The following CDH6 variants were observed in gnomAD, a reference collection of about 807,000 sequenced individuals.
The protein encoded by CDH6 is cadherin-6.
In CDH6, 31 loss-of-function variants were observed where a neutral mutation model predicts 78.0. The observed-to-expected ratio is 0.40, with a 90% CI of 0.30 to 0.54. CDH6 has a LOEUF of 0.54. Ranked by LOEUF, CDH6 falls within the 20% of genes least tolerant of loss-of-function variation. The pLI is 0.56. For synonymous variants in CDH6, 376 were observed against 368.8 expected, an observed-to-expected ratio of 1.02 and a Z score of -0.23; for missense variants, 724 against 975.9, an observed-to-expected ratio of 0.74 and a Z score of 3.44.
chr5:31,228,851 T>C (rs1741237293), intron 1 of CDH6, among the ~76,000 whole-genome samples: 1 of 152,226 alleles, frequency 6.6e-6, no homozygotes, highest in African/African-American at 2.4e-5. Context: ...CTGGTACTGG[T>C]CCATGGCCCC....
intron 1 of CDH6, among the ~76,000 whole-genome samples, chr5:31,200,815 T>G (rs981371778): frequency 4.6e-5 from 7 of 152,160 alleles, no homozygotes; most frequent in African/African-American, 1.4e-4. Context: ...TTATATTCTC[T>G]TCTTTCTATT....
chr5:31,276,890 T>C (rs913186760), intron 2 of CDH6, among the ~76,000 whole-genome samples: 1 of 152,138 alleles, frequency 6.6e-6, no homozygotes, highest in African/African-American at 2.4e-5. Context: ...GCCCAAGATA[T>C]CACACTTACC....
chr5:31,220,719 G>A (rs1005353431), intron 1 of CDH6, among the ~76,000 whole-genome samples: 1 of 152,132 alleles, frequency 6.6e-6, no homozygotes, highest in African/African-American at 2.4e-5. Context: ...CATATTCTCT[G>A]ATACAGAAGT....
chr5:31,219,939 T>C (rs746726855), intron 1 of CDH6, among the ~76,000 whole-genome samples: 3 of 152,186 alleles, frequency 2.0e-5, no homozygotes, highest in Non-Finnish European at 2.9e-5. Context: ...AAAAAGTTGT[T>C]CCCCTCTTAA....
At position 31,324,394 on chromosome 5, in the gene CDH6, C is replaced by T. The variant is rs1018609341; in HGVS notation, c.*1086C>T. 2 of 215,190 alleles carry T rather than the reference C, an allele frequency of 9.3e-6. No individual in the cohort carries two copies. The highest frequency in any genetic ancestry group is 2.3e-5 in the African/African-American group (1 of 44,348). The allele number at this position is 215,190 out of a possible 1,614,324, so 13.3% of individuals were successfully genotyped here. A position where few individuals can be genotyped will look rare whatever the true frequency, so the allele number is the denominator to read the frequency against. On this transcript the variant is annotated 3_prime_UTR_variant, in exon 12 of 12. Transcript: ENST00000265071. Reference sequence around the variant, plus strand: ...AGGTTAGAGCCAGCCACACTTGAACCTAATACCCTGCCCTTGACATCTGGA... The same window carrying T: ...AGGTTAGAGCCAGCCACACTTGAACTTAATACCCTGCCCTTGACATCTGGA...
At chr5:31,301,704 A>C (rs1046944891) in intron 5 of CDH6, among the ~76,000 whole-genome samples, 2 of 152,232 alleles carry the variant, frequency 1.3e-5, no homozygotes, top group African/African-American at 4.8e-5. Flanking sequence ...CAACGGTAGA[A>C]AGAACTCTTT....
chr5:31,306,462 T>A (rs1737992617), intron 7 of CDH6, among the ~76,000 whole-genome samples: 1 of 152,276 alleles, frequency 6.6e-6, no homozygotes, highest in South Asian at 2.1e-4. Context: ...AGCCAGTAGC[T>A]TAGTTGACTA....
intron 1 of CDH6, chr5:31,250,077 T>C (rs562033562): frequency 2.6e-5 from 4 of 152,392 alleles, no homozygotes; most frequent in Admixed American, 6.5e-5. Context: ...GGGGTCTGGA[T>C]TGGGGTCGAT....
chr5:31,243,369 G>A (rs1255493872), intron 1 of CDH6, among the ~76,000 whole-genome samples: 1 of 152,200 alleles, frequency 6.6e-6, no homozygotes, highest in Non-Finnish European at 1.5e-5. Flanking sequence ...GACAGAGGAA[G>A]ATGGCCTGCT....
chr5:31,253,152 G>T (rs567279701), intron 1 of CDH6, among the ~76,000 whole-genome samples: 1 of 152,274 alleles, frequency 6.6e-6, no homozygotes, highest in East Asian at 1.9e-4. Context: ...TGCCAGAAGG[G>T]GTCAGGGATC....
chr5:31,254,044 G>A (rs984091750), intron 1 of CDH6, among the ~76,000 whole-genome samples: 2 of 152,128 alleles, frequency 1.3e-5, no homozygotes, highest in East Asian at 1.9e-4. Flanking sequence ...GCTGCACACT[G>A]TTCTGGACAG....
chr5:31,273,535 C>T (rs6875033), intron 2 of CDH6, among the ~76,000 whole-genome samples: 2,547 of 152,270 alleles, frequency 0.017, 70 homozygotes, highest in African/African-American at 0.058. Context: ...TTGTCTCACA[C>T]TGCTAAGACC....
At position 31,302,259 on chromosome 5, in the gene CDH6, C is replaced by A. The variant is rs148607405; in HGVS notation, c.960C>A (p.Thr320=). The change falls in exon 6 of 12, where the codon ACC becomes ACA. Residue 320 remains threonine, a synonymous_variant. Coordinates refer to ENST00000265071, the MANE Select transcript of CDH6 (RefSeq NM_004932.4). ...GGCTGGATATGTTTGATGTCATCACCGACCAGGAAACCCAGGAAGGGATTA... is the reference window on the plus strand; with the variant it reads ...GGCTGGATATGTTTGATGTCATCACAGACCAGGAAACCCAGGAAGGGATTA... ...GEGLDMFDVI[T]DQETQEGIIT... 1 of 1,613,690 alleles carries A rather than the reference C, an allele frequency of 6.2e-7. No homozygotes were observed. Among genetic ancestry groups the A allele is most frequent in the East Asian group, 2.2e-5 (1 of 44,872 alleles).
At chr5:31,195,098 A>G (rs1277947155) in intron 1 of CDH6, among the ~76,000 whole-genome samples, 1 of 151,848 alleles carries the variant, frequency 6.6e-6, no homozygotes, top group Non-Finnish European at 1.5e-5. Flanking sequence ...AAAAAAAAAA[A>G]TTTAAATGAT....
At chr5:31,239,556 A>T (rs1741541914) in intron 1 of CDH6, among the ~76,000 whole-genome samples, 1 of 152,254 alleles carries the variant, frequency 6.6e-6, no homozygotes. Context: ...CCCTAGAAGC[A>T]TATGGAAGTA....
rs1303520017 is a variant in CDH6 at position 31,312,496 on chromosome 5, C to G, written c.1254-822C>G. Among the ~76,000 whole-genome samples the G allele has an allele frequency of 2.0e-5, 3 of 152,150 alleles. No individual in the cohort carries two copies. The East Asian group carries it at 5.8e-4, about 29-fold the overall frequency. On this transcript the variant is annotated intron_variant, in intron 7 of 11. Coordinates refer to ENST00000265071, the MANE Select transcript of CDH6 (RefSeq NM_004932.4). Reference sequence around the variant, plus strand: ...GGTGGATCACTTGAGCTCAGGAGTTCAAGACCAGCCCGGGCAAAATGGCCA... The same window carrying G: ...GGTGGATCACTTGAGCTCAGGAGTTGAAGACCAGCCCGGGCAAAATGGCCA...
chr5:31,217,344 C>A (rs1740894148), intron 1 of CDH6, among the ~76,000 whole-genome samples: 1 of 152,018 alleles, frequency 6.6e-6, no homozygotes, highest in South Asian at 2.1e-4. Flanking sequence ...AAAGGTTATT[C>A]AAAAAAAGAA....
At chr5:31,249,349 C>A (rs1208001983) in intron 1 of CDH6, 1 of 152,178 alleles carries the variant, frequency 6.6e-6, no homozygotes, top group Non-Finnish European at 1.5e-5. Context: ...ATGGTTTGAT[C>A]CCGAGAACAA....
intron 1 of CDH6, among the ~76,000 whole-genome samples, chr5:31,197,886 CT>C (rs1740213413): frequency 6.6e-6 from 1 of 152,086 alleles, no homozygotes; most frequent in South Asian, 2.1e-4. Context: ...AACTGGTCTA[CT>C]TTTTTAAGTT....
Sources: gnomAD v4.1 joint callset for allele counts (sites outside exome capture counted in the v4.1 genomes callset) on GRCh38, gnomAD v4.1.1 for gene constraint, MANE v1.5 for transcripts, NCBI Gene and HGNC (gene_info 2026-07-23, HGNC 2026-07-21) for gene names.